Variants in HIVEP3 observed in about 807,000 individuals in gnomAD.
HIVEP3 encodes HIVEP zinc finger 3, also known as transcription factor HIVEP3.
A neutral mutation model predicts 152.8 loss-of-function variants in HIVEP3; 49 were observed. That is an observed-to-expected ratio of 0.32 (90% CI 0.26 to 0.41). The LOEUF is 0.41. Among genes scored for constraint, HIVEP3 ranks in the 10% least tolerant of loss-of-function variants. The probability of loss-of-function intolerance (pLI) is 1.00; values close to 1 mark genes in which losing one functional copy is unlikely to be tolerated. For synonymous variants in HIVEP3, 1,269 were observed against 1,289.0 expected (o/e 0.98, Z 0.33); for missense variants, 2,790 against 3,103.3 (o/e 0.90, Z 2.40).
chr1:41,682,889 CA>C (rs1191650001), intron 2 of HIVEP3, among the ~76,000 whole-genome samples: 1 of 152,140 alleles, frequency 6.6e-6, no homozygotes, highest in Non-Finnish European at 1.5e-5. Flanking sequence ...AAAAGAGCTG[CA>C]AAGCGGGGTG....
intron 1 of HIVEP3, among the ~76,000 whole-genome samples, chr1:41,710,795 C>A (rs1646501852): frequency 1.3e-5 from 2 of 152,180 alleles, no homozygotes; most frequent in African/African-American, 4.8e-5. Context: ...TGTGGCCGTG[C>A]AGCAGTGGTC....
intron 1 of HIVEP3, among the ~76,000 whole-genome samples, chr1:41,718,802 A>G (rs983832363): frequency 1.3e-5 from 2 of 151,356 alleles, no homozygotes; most frequent in African/African-American, 4.9e-5. Flanking sequence ...ACACACGTGC[A>G]CACACACACA....
intron 1 of HIVEP3, among the ~76,000 whole-genome samples, chr1:42,035,343 C>G (rs1209704107): frequency 1.3e-5 from 2 of 152,224 alleles, no homozygotes; most frequent in Admixed American, 1.3e-4. Context: ...ACCCCGGGCA[C>G]AGGGAACGCG....
chr1:41,808,796 C>T lies in HIVEP3; in HGVS notation c.-800-107801G>A, dbSNP rs1039948341. Among the ~76,000 whole-genome samples the T allele has an allele frequency of 3.2e-4, 49 of 152,170 alleles. 1 individual carries two copies. Among genetic ancestry groups the T allele is most frequent in the Admixed American group, 1.3e-3 (20 of 15,276 alleles). On this transcript the variant is annotated intron_variant, in intron 1 of 8. Coordinates refer to ENST00000372583, the MANE Select transcript of HIVEP3 (RefSeq NM_024503.5). ...ATTACTTAAAATAGGTTTATTCAAA[C>T]GGCCCATATGGAGCAAGGGATGGAG...
chr1:41,710,659 T>C (rs1646499554), intron 1 of HIVEP3, among the ~76,000 whole-genome samples: 1 of 152,194 alleles, frequency 6.6e-6, no homozygotes. Context: ...CCTGCCCTAA[T>C]ACTGTGTCCT....
intron 1 of HIVEP3, among the ~76,000 whole-genome samples, chr1:41,916,817 A>G (rs1430659745): frequency 6.6e-6 from 1 of 152,100 alleles, no homozygotes; most frequent in Non-Finnish European, 1.5e-5. Context: ...CTGGCCTATT[A>G]CCTTGGCTTC....
chr1:41,511,009 C>T lies in HIVEP3; in HGVS notation c.6663G>A (p.Trp2221Ter). 1 of 1,613,526 alleles carries T rather than the reference C, an allele frequency of 6.2e-7. No individual in the cohort carries two copies. The highest frequency in any genetic ancestry group is 8.5e-7 in the Non-Finnish European group (1 of 1,179,748). ...PTLLPGPTAA[W>*]VSGFSGGGSD... is the part of the protein sequence containing the mutation. ...TGCCACCCCCGGAGAAGCCACTGAC[C>T]CAGGCTGCGGTGGGCCCTGGCAGCA... is the stretch of plus-strand genomic sequence containing the variant. The change falls in exon 9 of 9, where the codon TGG becomes TGA. Residue 2221 changes from tryptophan (W) to a stop codon, truncating the protein, a stop_gained. Coordinates refer to ENST00000372583, the MANE Select transcript of HIVEP3 (RefSeq NM_024503.5). LOFTEE classifies it high-confidence loss of function. The surrounding 1 kb of genome is among the most constrained non-coding windows in gnomAD (Gnocchi z 4.9).
chr1:41,555,864 T>A (rs1277229941), intron 5 of HIVEP3, among the ~76,000 whole-genome samples: 1 of 152,202 alleles, frequency 6.6e-6, no homozygotes, highest in African/African-American at 2.4e-5. Flanking sequence ...ATGTACCCCA[T>A]ATCAGTGAAA....
chr1:41,589,451 G>A (rs867175988), intron 3 of HIVEP3, among the ~76,000 whole-genome samples: 7 of 152,322 alleles, frequency 4.6e-5, no homozygotes, highest in Middle Eastern at 3.4e-3. Flanking sequence ...CAGGGGAGTG[G>A]GAAGTAATGG....
chr1:41,857,786 C>T (rs1481372933), intron 1 of HIVEP3, among the ~76,000 whole-genome samples: 2 of 152,212 alleles, frequency 1.3e-5, no homozygotes, highest in Non-Finnish European at 2.9e-5. Flanking sequence ...AGTTTTTCCC[C>T]TGCTACCTCC....
rs1490826413 is a variant in HIVEP3, at chr1:41,978,543, T to C, written n.119+57264A>G. Among the ~76,000 whole-genome samples the C allele has an allele frequency of 2.0e-5, 3 of 152,314 alleles. No homozygotes were observed. The East Asian group carries it at 5.8e-4, about 29-fold the overall frequency. ...GAGAAACCAACTTGTAACACCTTGA[T>C]CTTGGACTTCCAGCTTCCAGAACTT... On this transcript the variant is annotated intron_variant and non_coding_transcript_variant, in intron 1 of 3. Coordinates refer to the HIVEP3 transcript ENST00000489103.
At chr1:41,521,850 C>T (rs972476461) in intron 6 of HIVEP3, among the ~76,000 whole-genome samples, 45 of 152,358 alleles carry the variant, frequency 3.0e-4, no homozygotes, top group Admixed American at 9.1e-4. Context: ...CTGAGGCGAT[C>T]GGTGCAAGGG....
In HIVEP3 at chr1:41,749,047, C is replaced by A. The variant is rs181938560; in HGVS notation, c.-800-48052G>T. Among the ~76,000 whole-genome samples, 94 of 152,344 alleles carry A rather than the reference C, an allele frequency of 6.2e-4. 2 individuals carry two copies. The highest frequency in any genetic ancestry group is 1.6e-4 in the Non-Finnish European group (11 of 68,024). On this transcript the variant is annotated intron_variant, in intron 1 of 8. Transcript: ENST00000372583. ...CTGCCCCCAGTCAATATACACTTGT[C>A]TCTCTCTTGTCCACCCTGTTAGAGA... is the stretch of plus-strand genomic sequence containing the variant.
intron 3 of HIVEP3, among the ~76,000 whole-genome samples, chr1:41,608,398 G>A (rs1644851338): frequency 6.6e-6 from 1 of 152,224 alleles, no homozygotes; most frequent in Non-Finnish European, 1.5e-5. Flanking sequence ...GGTCTGGAAT[G>A]CCCTTGCTCA....
At chr1:41,865,316 C>G (rs1317906715) in intron 1 of HIVEP3, among the ~76,000 whole-genome samples, 2 of 152,204 alleles carry the variant, frequency 1.3e-5, no homozygotes. Flanking sequence ...TGAGCTGGAC[C>G]CACTGTGCAG....
At chr1:41,539,907 T>C (rs1350223960) in intron 5 of HIVEP3, among the ~76,000 whole-genome samples, 1 of 152,248 alleles carries the variant, frequency 6.6e-6, no homozygotes, top group Non-Finnish European at 1.5e-5. Context: ...TTACAGAAAT[T>C]ATATCGTAGA....
chr1:41,801,020 C>A (rs772513390), intron 1 of HIVEP3, among the ~76,000 whole-genome samples: 1 of 152,138 alleles, frequency 6.6e-6, no homozygotes, highest in Non-Finnish European at 1.5e-5. Flanking sequence ...CCACAAGGAG[C>A]TACAATTACT....
intron 1 of HIVEP3, among the ~76,000 whole-genome samples, chr1:41,956,468 T>C (rs2124494870): frequency 6.6e-6 from 1 of 152,346 alleles, no homozygotes; most frequent in East Asian, 1.9e-4. Flanking sequence ...ACTTTCCACC[T>C]AGGAATCTAT....
intron 1 of HIVEP3, among the ~76,000 whole-genome samples, chr1:41,863,781 A>C (rs1488905805): frequency 6.6e-6 from 1 of 152,174 alleles, no homozygotes; most frequent in African/African-American, 2.4e-5. Context: ...AAGTCATTTA[A>C]ATTTTTGTAG....
Sources: allele counts gnomAD v4.1 joint callset (sites outside exome capture counted in the v4.1 genomes callset), GRCh38; gene constraint gnomAD v4.1.1; non-coding constraint Gnocchi (gnomAD v3.1); transcripts MANE v1.5; gene names NCBI Gene and HGNC (gene_info 2026-07-23, HGNC 2026-07-21).